ABAT: variants seen among roughly 807,000 people sequenced by gnomAD.
ABAT encodes 4-aminobutyrate aminotransferase, mitochondrial.
A neutral mutation model predicts 64.6 loss-of-function variants in ABAT; 45 were observed. The observed-to-expected ratio is 0.70, with a 90% CI of 0.55 to 0.89. ABAT has a LOEUF of 0.89. Ranked by LOEUF, ABAT falls within the 40% of genes least tolerant of loss-of-function variation. The pLI, the probability that ABAT is intolerant of heterozygous loss-of-function variation, is 0.00. For missense variants in ABAT, 633 were observed against 658.4 expected, an observed-to-expected ratio of 0.96 and a Z score of 0.42; for synonymous variants, 297 against 250.5, an observed-to-expected ratio of 1.19 and a Z score of -1.75.
intron 1 of ABAT, among the ~76,000 whole-genome samples, chr16:8,725,796 A>G (rs1202925795): frequency 6.6e-6 from 1 of 152,116 alleles, no homozygotes. Flanking sequence ...TCTATGCTTA[A>G]CTTTTTGAGG....
intron 1 of ABAT, among the ~76,000 whole-genome samples, chr16:8,723,827 A>ATATTTTT (rs1567286201): frequency 7.4e-5 from 3 of 40,360 alleles, no homozygotes; most frequent in Non-Finnish European, 1.2e-4. Context: ...ATATATATAT[A>ATATTTTT]TTTTTTTTTT....
intron 2 of ABAT, 98 bp downstream of exon 2, chr16:8,735,907 C>A: frequency 9.4e-7 from 1 of 1,060,862 alleles, no homozygotes; most frequent in East Asian, 2.6e-5. Flanking sequence ...ATAAAGGGAC[C>A]AGCCAGTGAG....
At position 8,779,266 on chromosome 16, in the gene ABAT, T is replaced by C. The variant is rs532104762; in HGVS notation, c.1270-213T>C. On this transcript the variant is annotated intron_variant, in intron 14 of 15. Coordinates refer to ENST00000268251, the MANE Select transcript of ABAT (RefSeq NM_020686.6). ...TTGTTGTTGCTGGTGGTGGTGGTGG[T>C]GGTTTTTTTCCTCCACACAACACAC... is the stretch of plus-strand genomic sequence containing the variant. Among the ~76,000 whole-genome samples, 14 of 152,098 alleles carry C rather than the reference T, an allele frequency of 9.2e-5. No individual in the cohort carries two copies. In the South Asian group the frequency reaches 2.9e-3, roughly 32 times the overall value.
intron 2 of ABAT, among the ~76,000 whole-genome samples, chr16:8,742,310 C>A (rs1297959890): frequency 1.3e-5 from 2 of 152,222 alleles, no homozygotes; most frequent in East Asian, 3.8e-4. Context: ...TATTTCCACA[C>A]TCCGGTTCCC....
At chr16:8,688,501 C>G (rs2057507960) in intron 1 of ABAT, among the ~76,000 whole-genome samples, 1 of 152,074 alleles carries the variant, frequency 6.6e-6, no homozygotes. Flanking sequence ...TAACAATTTA[C>G]TTTTTGAATA....
chr16:8,735,503 C>T (rs781686244), intron 1 of ABAT, among the ~76,000 whole-genome samples, 196 bp from the exon 2 acceptor site: 48 of 152,152 alleles, frequency 3.2e-4, no homozygotes, highest in Middle Eastern at 6.3e-3. Context: ...CCTCGGTCTC[C>T]CAGTGTGGCT....
chr16:8,677,459 A>G (rs1294497602), intron 1 of ABAT, among the ~76,000 whole-genome samples: 2 of 152,160 alleles, frequency 1.3e-5, no homozygotes, highest in Non-Finnish European at 2.9e-5. Context: ...CAAGTCATTC[A>G]TGTCTCTGAA....
At chr16:8,689,018 TG>T (rs1178565348) in intron 1 of ABAT, among the ~76,000 whole-genome samples, 1 of 150,716 alleles carries the variant, frequency 6.6e-6, no homozygotes, top group Non-Finnish European at 1.5e-5. Flanking sequence ...AGGCAGAGGT[TG>T]CAGTGAGCCG....
At chr16:8,729,410 A>C (rs1448219359) in intron 1 of ABAT, among the ~76,000 whole-genome samples, 1 of 152,204 alleles carries the variant, frequency 6.6e-6, no homozygotes, top group Admixed American at 6.5e-5. Flanking sequence ...TAAGCCTATG[A>C]CTGAGGCCGA....
chr16:8,762,224 A>G (rs1261696461), intron 6 of ABAT, among the ~76,000 whole-genome samples: 1 of 152,224 alleles, frequency 6.6e-6, no homozygotes, highest in Non-Finnish European at 1.5e-5. Flanking sequence ...AAGTTATACA[A>G]TAATCATGGA....
chr16:8,766,033 C>T (rs552310550), intron 8 of ABAT, 175 bp from the exon 9 acceptor site: 21 of 633,564 alleles, frequency 3.3e-5, no homozygotes, highest in Admixed American at 1.8e-4. Context: ...TCTTTTGTTG[C>T]GAGCACAGTT....
chr16:8,775,549 T>C (rs183345457), intron 13 of ABAT, among the ~76,000 whole-genome samples: 38 of 101,640 alleles, frequency 3.7e-4, no homozygotes, highest in African/African-American at 1.2e-3. Context: ...TGTACTGCCA[T>C]GTGTGCATAC....
intron 1 of ABAT, among the ~76,000 whole-genome samples, chr16:8,692,224 T>G (rs908106752): frequency 2.0e-5 from 3 of 151,440 alleles, no homozygotes; most frequent in Non-Finnish European, 2.9e-5. Context: ...CTACAGAAAA[T>G]AAAAAAATTA....
chr16:8,674,968 C>A (rs1373134011), intron 1 of ABAT, among the ~76,000 whole-genome samples: 4 of 152,166 alleles, frequency 2.6e-5, no homozygotes, highest in African/African-American at 7.2e-5. Context: ...CTCCCTTTTA[C>A]CGCTTGAAAT....
At chr16:8,674,746 C>T (rs1458307342) in intron 1 of ABAT, 35 bp downstream of exon 1, 1 of 152,320 alleles carries the variant, frequency 6.6e-6, no homozygotes, top group Non-Finnish European at 1.5e-5. Flanking sequence ...TGGGACGGGC[C>T]CTTCCGAGGG....
intron 5 of ABAT, 36 bp downstream of exon 5, chr16:8,750,575 CTG>C (rs1415369879): frequency 2.5e-6 from 4 of 1,577,602 alleles, no homozygotes; most frequent in African/African-American, 1.3e-5. Flanking sequence ...GATATAACCT[CTG>C]TTTCTGTCTC....
chr16:8,734,461 G>C (rs924070442), intron 1 of ABAT, among the ~76,000 whole-genome samples: 47 of 152,146 alleles, frequency 3.1e-4, no homozygotes, highest in African/African-American at 1.0e-3. Context: ...TGTGAGGTTT[G>C]CTGACTCTGG....
At chr16:8,702,647 T>A (rs2057850698) in intron 1 of ABAT, among the ~76,000 whole-genome samples, 1 of 152,166 alleles carries the variant, frequency 6.6e-6, no homozygotes, top group Admixed American at 6.5e-5. Flanking sequence ...CCCACCCCCA[T>A]GATCCAGTCC....
intron 1 of ABAT, among the ~76,000 whole-genome samples, chr16:8,682,304 A>G (rs1386475032): frequency 6.6e-6 from 1 of 151,234 alleles, no homozygotes; most frequent in African/African-American, 2.4e-5. Flanking sequence ...GACAGACACA[A>G]CCCCTTTGTT....
Sources: gnomAD v4.1 joint callset for allele counts (sites outside exome capture counted in the v4.1 genomes callset) on GRCh38, gnomAD v4.1.1 for gene constraint, MANE v1.5 for transcripts, NCBI Gene and HGNC (gene_info 2026-07-23, HGNC 2026-07-21) for gene names.